The following IL23R variants were observed in gnomAD, a reference collection of about 807,000 sequenced individuals.
IL23R encodes the protein interleukin 23 receptor.
IL23R carries 34 observed loss-of-function variants against 56.9 expected under a neutral mutation model. The ratio of observed to expected loss-of-function variants is 0.60; its 90% CI spans 0.45 to 0.80. The LOEUF (loss-of-function observed/expected upper bound fraction) is 0.80, where lower values mean the gene tolerates loss of function less well. Ranked by LOEUF, IL23R falls within the 30% of genes least tolerant of loss-of-function variation. The pLI is 0.00. For missense variants in IL23R, 635 were observed against 730.0 expected, an observed-to-expected ratio of 0.87 and a Z score of 1.50; for synonymous variants, 230 against 249.2, an observed-to-expected ratio of 0.92 and a Z score of 0.73.
chr1:67,207,303 C>T (rs1290422984), intron 6 of IL23R: 1 of 550,790 alleles, frequency 1.8e-6, no homozygotes, highest in Non-Finnish European at 3.3e-6. Flanking sequence ...GATCCTGTCA[C>T]CCAGGTGCTA....
intron 10 of IL23R, among the ~76,000 whole-genome samples, chr1:67,257,765 A>G (rs971196955): frequency 2.0e-5 from 3 of 152,132 alleles, no homozygotes; most frequent in African/African-American, 7.2e-5. Flanking sequence ...GTGCAGTGGC[A>G]TGATCTCAGC....
chr1:67,237,006 T>C (rs570980852), intron 8 of IL23R, among the ~76,000 whole-genome samples: 78 of 152,320 alleles, frequency 5.1e-4, no homozygotes, highest in African/African-American at 1.9e-3. Flanking sequence ...TTGCCGGCTT[T>C]TGCAATAGAT....
intron 3 of IL23R, among the ~76,000 whole-genome samples, chr1:67,179,964 T>C (rs879129159): frequency 6.6e-6 from 1 of 152,250 alleles, no homozygotes; most frequent in Non-Finnish European, 1.5e-5. Flanking sequence ...CCTAGTTTGA[T>C]TGCACTGTGG....
intron 3 of IL23R, among the ~76,000 whole-genome samples, chr1:67,177,830 T>C (rs1647031891): frequency 6.6e-6 from 1 of 151,176 alleles, no homozygotes; most frequent in African/African-American, 2.5e-5. Context: ...TTCAGCCTTA[T>C]GCATATGGCT....
At chr1:67,220,795 A>G (rs1403995036) in intron 7 of IL23R, among the ~76,000 whole-genome samples, 2 of 152,190 alleles carry the variant, frequency 1.3e-5, no homozygotes, top group African/African-American at 4.8e-5. Context: ...TGATCTAAAC[A>G]GGCTTCAATC....
At chr1:67,176,155 C>A (rs539764702) in intron 3 of IL23R, among the ~76,000 whole-genome samples, 5 of 152,194 alleles carry the variant, frequency 3.3e-5, no homozygotes, top group African/African-American at 1.2e-4. Context: ...GAGGCTGAAT[C>A]CTGATTGTTT....
intron 4 of IL23R, among the ~76,000 whole-genome samples, chr1:67,197,938 A>AAAAAGAAAAG (rs148930191): frequency 6.0e-4 from 44 of 73,316 alleles, no homozygotes; most frequent in Middle Eastern, 6.1e-3. Flanking sequence ...CCTGTCATTA[A>AAAAAGAAAAG]AAAAGAAAAG....
intron 8 of IL23R, 90 bp from the exon 9 acceptor site, chr1:67,240,088 CT>C (rs1330927958): frequency 2.4e-5 from 23 of 954,378 alleles, no homozygotes; most frequent in Non-Finnish European, 3.7e-5. Context: ...CCTTTGAGAC[CT>C]TTGCTTTGAG....
intron 1 of IL23R, among the ~76,000 whole-genome samples, chr1:67,144,287 A>G (rs1375165629): frequency 6.6e-6 from 1 of 152,214 alleles, no homozygotes; most frequent in Non-Finnish European, 1.5e-5. Flanking sequence ...CTTACTTTGT[A>G]TATCTCTTTA....
chr1:67,183,976 G>A (rs1647203371), intron 4 of IL23R, among the ~76,000 whole-genome samples: 1 of 152,216 alleles, frequency 6.6e-6, no homozygotes, highest in South Asian at 2.1e-4. Flanking sequence ...GCTCATGCCT[G>A]TAATCCCAGC....
chr1:67,153,746 G>A (rs756115093), intron 1 of IL23R, among the ~76,000 whole-genome samples: 35 of 149,934 alleles, frequency 2.3e-4, no homozygotes, highest in Non-Finnish European at 4.6e-4. Flanking sequence ...TTTCCATGTA[G>A]TGTGTGGTTT....
chr1:67,259,071 T>C lies in IL23R; in HGVS notation c.1833T>C (p.Tyr611=), dbSNP rs1189559735. ...AGGAGTTGCCATCTATTAATACTTA[T>C]TTTCCACAAAATATTTTGGAAAGCC... ...VNEELPSINT[Y]FPQNILESHF... The change falls in exon 11 of 11, where the codon TAT becomes TAC. Residue 611 remains tyrosine, a synonymous_variant. Transcript: ENST00000347310. The C allele has an allele frequency of 1.2e-6, 2 of 1,613,972 alleles. No homozygotes were observed. Among genetic ancestry groups the C allele is most frequent in the Middle Eastern group, 1.7e-4 (1 of 6,054 alleles).
At chr1:67,218,274 A>ATG (rs1160549651) in intron 6 of IL23R, among the ~76,000 whole-genome samples, 1 of 54,352 alleles carries the variant, frequency 1.8e-5, no homozygotes, top group East Asian at 3.7e-3. Context: ...ACATACACAT[A>ATG]TATATATATA....
At chr1:67,175,407 A>G (rs2102565641) in intron 3 of IL23R, among the ~76,000 whole-genome samples, 2 of 152,280 alleles carry the variant, frequency 1.3e-5, no homozygotes, top group South Asian at 4.1e-4. Context: ...CACTAAGTAC[A>G]CTTACACTGT....
intron 1 of IL23R, chr1:67,139,275 A>T (rs981090276): frequency 1.3e-5 from 2 of 152,234 alleles, no homozygotes; most frequent in African/African-American, 4.8e-5. Context: ...CATAAAATGG[A>T]TAGATTAACT....
At chr1:67,215,847 G>A (rs1649798500) in intron 6 of IL23R, among the ~76,000 whole-genome samples, 1 of 152,160 alleles carries the variant, frequency 6.6e-6, no homozygotes, top group South Asian at 2.1e-4. Context: ...GAATGTGTTA[G>A]TCTTCTATCA....
chr1:67,203,467 T>C (rs1258840862), intron 5 of IL23R, among the ~76,000 whole-genome samples: 1 of 152,026 alleles, frequency 6.6e-6, no homozygotes, highest in African/African-American at 2.4e-5. Flanking sequence ...TTCCTTCTTC[T>C]CCTTCTTTCT....
rs756596999 is a variant in IL23R at position 67,258,837 on chromosome 1, T to C, written c.1599T>C (p.Ser533=). ...RLQKHPNFAF[S]VSSVNSLSNT... is the part of the protein sequence containing the mutation. Reference sequence around the variant, plus strand: ...AAAAGCATCCTAATTTTGCTTTTTCTGTTTCAAGTGTGAATTCACTAAGCA... The same window carrying C: ...AAAAGCATCCTAATTTTGCTTTTTCCGTTTCAAGTGTGAATTCACTAAGCA... The change falls in exon 11 of 11, where the codon TCT becomes TCC. Residue 533 remains serine, a synonymous_variant. Coordinates refer to ENST00000347310, the MANE Select transcript of IL23R (RefSeq NM_144701.3). 5 of 1,612,776 alleles carry C rather than the reference T, an allele frequency of 3.1e-6. No homozygotes were observed. The East Asian group carries it at 8.9e-5, about 29-fold the overall frequency.
chr1:67,210,604 A>G (rs190421387), intron 6 of IL23R, among the ~76,000 whole-genome samples: 4 of 152,236 alleles, frequency 2.6e-5, no homozygotes. Flanking sequence ...CTGGGACTAC[A>G]GTCACTCATC....
Sources: allele counts gnomAD v4.1 joint callset (sites outside exome capture counted in the v4.1 genomes callset), GRCh38; gene constraint gnomAD v4.1.1; transcripts MANE v1.5; gene names NCBI Gene and HGNC (gene_info 2026-07-23, HGNC 2026-07-21).